Variants in SH2D3C observed in about 807,000 individuals in gnomAD.
The protein encoded by SH2D3C is SH2 domain containing 3C.
SH2D3C carries 25 observed loss-of-function variants against 75.2 expected under a neutral mutation model. That is an observed-to-expected ratio of 0.33 (90% CI 0.24 to 0.46). The LOEUF is 0.46. SH2D3C is among the 20% of genes least tolerant of loss of function. The pLI is 1.00. For synonymous variants in SH2D3C, 450 were observed against 473.7 expected, an observed-to-expected ratio of 0.95 and a Z score of 0.65; for missense variants, 933 against 1,165.3, an observed-to-expected ratio of 0.80 and a Z score of 2.90.
At chr9:127,772,405 G>A (rs1279408009) in intron 2 of SH2D3C, among the ~76,000 whole-genome samples, 3 of 151,972 alleles carry the variant, frequency 2.0e-5, no homozygotes, top group African/African-American at 2.4e-5. Flanking sequence ...CGCCACACCC[G>A]GCTAATTTTT....
chr9:127,771,437 T>C, intron 2 of SH2D3C: 1 of 1,215,360 alleles, frequency 8.2e-7, no homozygotes, highest in Non-Finnish European at 1.1e-6. Context: ...GCTCTCCGCC[T>C]CGAACACGGC....
At chr9:127,741,711 T>C in intron 9 of SH2D3C, 77 bp downstream of exon 9, 1 of 1,516,036 alleles carries the variant, frequency 6.6e-7, no homozygotes, top group Non-Finnish European at 8.9e-7. Context: ...CCTGATTCCA[T>C]ATACAGCCAT....
chr9:127,749,492 C>G lies in SH2D3C; in HGVS notation c.858G>C (p.Glu286Asp). 2 of 1,614,218 alleles carry G rather than the reference C, an allele frequency of 1.2e-6. No homozygotes were observed. The highest frequency in any genetic ancestry group is 1.7e-6 in the Non-Finnish European group (2 of 1,180,020). Reference protein sequence around the residue: ...ESYTHIQYLFEQESFDHVPAL... With the variant: ...ESYTHIQYLFDQESFDHVPAL... The stretch of plus-strand genomic sequence containing the variant: ...CGGGCACGTGGTCAAAGCTCTCCTG[C>G]TCAAACAGGTACTGGATGTGTGTGT... Residue 286 changes from glutamate to aspartate, a missense_variant, in exon 5 of 12, where the codon GAG becomes GAC. Physicochemically the swap from Glu to Asp is conservative, Grantham distance 45 (BLOSUM62 2). Coordinates refer to ENST00000314830, the MANE Select transcript of SH2D3C (RefSeq NM_170600.3). This position sits in a 1 kb window ranked among gnomAD's most constrained non-coding sequence, Gnocchi z 5.9.
chr9:127,741,264 G>A (rs1222503702), intron 9 of SH2D3C, among the ~76,000 whole-genome samples: 4 of 143,548 alleles, frequency 2.8e-5, no homozygotes, highest in South Asian at 2.2e-4. Flanking sequence ...TTTTTGAGAC[G>A]GAGTCTCACT....
At chr9:127,767,515 G>A (rs1845658185) in intron 2 of SH2D3C, among the ~76,000 whole-genome samples, 1 of 152,206 alleles carries the variant, frequency 6.6e-6, no homozygotes, top group African/African-American at 2.4e-5. Flanking sequence ...AAGCTAGAGA[G>A]GGAAGGCAAA....
rs556374129 is a variant in SH2D3C, at chr9:127,739,459, G to A, written c.2407+223C>T. ...TGGGAGGCGGAGGTTGCAGTGAGCC[G>A]AGACTGTGCCACTGCACTCCAGCCT... On this transcript the variant is annotated intron_variant, in intron 11 of 11. Coordinates refer to ENST00000314830, the MANE Select transcript of SH2D3C (RefSeq NM_170600.3). This position sits in a 1 kb window ranked among gnomAD's most constrained non-coding sequence, Gnocchi z 4.3. 5.3e-5 allele frequency among the ~76,000 whole-genome samples: 8 copies of A among 152,088 alleles called. No homozygotes were observed. The highest frequency in any genetic ancestry group is 2.1e-4 in the South Asian group (1 of 4,820).
intron 1 of SH2D3C, among the ~76,000 whole-genome samples, chr9:127,775,953 C>T (rs952095427): frequency 6.6e-5 from 10 of 152,166 alleles, no homozygotes; most frequent in Non-Finnish European, 1.2e-4. Context: ...CTCAGCCTCC[C>T]GAGTAACTGG....
intron 2 of SH2D3C, chr9:127,767,370 A>G: frequency 7.2e-7 from 1 of 1,396,840 alleles, no homozygotes; most frequent in Non-Finnish European, 9.4e-7. Flanking sequence ...AGAAAACTGA[A>G]GCTTGTAACT....
At chr9:127,753,035 G>A (rs889042941) in intron 3 of SH2D3C, among the ~76,000 whole-genome samples, 1 of 152,054 alleles carries the variant, frequency 6.6e-6, no homozygotes. Flanking sequence ...AGGGTCCTAC[G>A]GGCAGAGCCA....
chr9:127,747,353 C>T (rs1415641621), intron 5 of SH2D3C, 82 bp from the exon 6 acceptor site: 5 of 1,335,922 alleles, frequency 3.7e-6, no homozygotes, highest in Non-Finnish European at 5.1e-6. Flanking sequence ...ACCTCTGCAC[C>T]TTGAACTTCA....
At position 127,755,109 on chromosome 9, in the gene SH2D3C, G is replaced by A. The variant is rs984180996; in HGVS notation, c.556-3809C>T. The stretch of plus-strand genomic sequence containing the variant: ...CCTGCACGAAGGAGCCGCGGTAGAA[G>A]CAGCAGGCGGCGGCCGACAGGGCAC... On this transcript the variant is annotated intron_variant, in intron 3 of 11. Coordinates refer to ENST00000314830, the MANE Select transcript of SH2D3C (RefSeq NM_170600.3). 2.0e-5 allele frequency: 24 copies of A among 1,217,754 alleles called. No homozygotes were observed. The East Asian group carries it at 3.4e-4, about 17-fold the overall frequency. 75.4% of individuals were successfully genotyped at this position (1,217,754 alleles called of 1,614,324 possible).
rs755856279 is a variant in SH2D3C, at chr9:127,744,857, G to A, written c.1507C>T (p.Arg503Cys). 48 of 1,613,944 alleles carry A rather than the reference G, an allele frequency of 3.0e-5. No homozygotes were observed. Among genetic ancestry groups the A allele is most frequent in the South Asian group, 2.7e-4 (25 of 91,064 alleles). Residue 503 changes from arginine to cysteine, a missense_variant, in exon 7 of 12, where the codon CGT becomes TGT. Transcript: ENST00000314830. ...GTCGCTGCCCACTCTCGGCTGCCAC[G>A]CACGGGAGGCTGGAGCTGGCAGTAG... ...GHYCQLQPPV[R>C]GSREWAATET...
At chr9:127,761,014 T>C (rs2131789407) in intron 3 of SH2D3C, among the ~76,000 whole-genome samples, 1 of 152,272 alleles carries the variant, frequency 6.6e-6, no homozygotes, top group East Asian at 1.9e-4. Context: ...TAATTTTTTG[T>C]ATTTTTAGTA....
intron 2 of SH2D3C, among the ~76,000 whole-genome samples, chr9:127,763,260 C>T (rs1367353941): frequency 1.3e-5 from 2 of 152,186 alleles, no homozygotes; most frequent in Non-Finnish European, 2.9e-5. Context: ...TGTTCCCAAC[C>T]CTACTTTATT....
rs1445529794 is a variant in SH2D3C at position 127,740,275 on chromosome 9, C to T, written c.2183G>A (p.Ser728Asn). The T allele has an allele frequency of 1.9e-6, 3 of 1,613,942 alleles. No homozygotes were observed. The Admixed American group carries it at 5.0e-5, about 27-fold the overall frequency. ...GGAAGTACCTTTGCCCTCGTTGAGG[C>T]TCTTGAGAAAAGGCTTGAGCTTCTT... ...YEKKLKPFLK[S>N]LNEGKEGPPL... The change falls in exon 10 of 12, where the codon AGC becomes AAC. Residue 728 changes from serine to asparagine, a missense_variant. Transcript: ENST00000314830.
In SH2D3C at chr9:127,739,903, G is replaced by T. The variant is rs1041673840; in HGVS notation, c.2201-15C>A. ...CGGCGGGCCTTCTGCAAGGAGAAAGGCAGCAGGCGCTTAAAGATCCTGTAG... is the reference window on the plus strand; with the variant it reads ...CGGCGGGCCTTCTGCAAGGAGAAAGTCAGCAGGCGCTTAAAGATCCTGTAG... On this transcript the variant is annotated splice_polypyrimidine_tract_variant and intron_variant, in intron 10 of 11. Coordinates refer to ENST00000314830, the MANE Select transcript of SH2D3C (RefSeq NM_170600.3). The surrounding 1 kb of genome is among the most constrained non-coding windows in gnomAD (Gnocchi z 4.3). 1.3e-6 allele frequency: 2 copies of T among 1,503,802 alleles called. No homozygotes were observed. The highest frequency in any genetic ancestry group is 1.8e-6 in the Non-Finnish European group (2 of 1,118,778). The allele number at this position is 1,503,802 out of a possible 1,614,324, so 93.2% of individuals were successfully genotyped here.
chr9:127,758,297 A>G (rs1001881892), intron 3 of SH2D3C, among the ~76,000 whole-genome samples: 1 of 152,186 alleles, frequency 6.6e-6, no homozygotes, highest in Non-Finnish European at 1.5e-5. Flanking sequence ...TGAAACTAAA[A>G]TTAACATTCC....
At chr9:127,746,799 G>A (rs776375752) in intron 6 of SH2D3C, among the ~76,000 whole-genome samples, 15 of 152,304 alleles carry the variant, frequency 9.8e-5, no homozygotes, top group South Asian at 2.1e-4. Context: ...TTAGCCAGGC[G>A]TGGTGGCAGG....
At position 127,746,736 on chromosome 9, in the gene SH2D3C, G is replaced by A. The variant is rs1466041535; in HGVS notation, c.1264+411C>T. ...GTGGATCACCTGAGGTCAGGAGTTCGAGACCACTCTGGCCAACATGACGAA... is the reference window on the plus strand; with the variant it reads ...GTGGATCACCTGAGGTCAGGAGTTCAAGACCACTCTGGCCAACATGACGAA... On this transcript the variant is annotated intron_variant, in intron 6 of 11. Coordinates refer to ENST00000314830, the MANE Select transcript of SH2D3C (RefSeq NM_170600.3). Among the ~76,000 whole-genome samples the A allele has an allele frequency of 5.9e-5, 9 of 152,210 alleles. No homozygotes were observed. The East Asian group carries it at 9.6e-4, about 16-fold the overall frequency.
Sources: gnomAD v4.1 joint callset for allele counts (sites outside exome capture counted in the v4.1 genomes callset) on GRCh38, gnomAD v4.1.1 for gene constraint, Gnocchi (gnomAD v3.1) non-coding constraint, MANE v1.5 for transcripts, NCBI Gene and HGNC (gene_info 2026-07-23, HGNC 2026-07-21) for gene names.